B4GALNT3: variants seen among roughly 807,000 people sequenced by gnomAD.
The protein encoded by B4GALNT3 is beta-1,4-N-acetylgalactosaminyltransferase 3.
In B4GALNT3, 86 loss-of-function variants were observed where a neutral mutation model predicts 120.2. The observed-to-expected ratio is 0.72, with a 90% confidence interval of 0.60 to 0.86. The LOEUF (loss-of-function observed/expected upper bound fraction) is 0.86, where lower values mean the gene tolerates loss of function less well. Among genes scored for constraint, B4GALNT3 ranks in the 40% least tolerant of loss-of-function variants. The pLI is 0.00. For missense variants in B4GALNT3, 1,167 were observed against 1,298.9 expected, an observed-to-expected ratio of 0.90 and a Z score of 1.56; for synonymous variants, 518 against 510.4, an observed-to-expected ratio of 1.01 and a Z score of -0.20.
rs1475899818 is a variant in B4GALNT3 at position 556,571 on chromosome 12, G to A, written c.2085G>A (p.Val695=). ...GGAGGTACCAGCTACAGCGCATTGT[G>A]AACGTGGAAAAGCGTCAGGACCAGC... ...SRGRYQLQRI[V]NVEKRQDQLR... Residue 695 remains valine (V), a synonymous_variant, in exon 15 of 20, where the codon GTG becomes GTA. Transcript: ENST00000266383. 3 of 1,613,650 alleles carry A rather than the reference G, an allele frequency of 1.9e-6. No homozygotes were observed. The highest frequency in any genetic ancestry group is 4.5e-5 in the East Asian group (2 of 44,858).
intron 1 of B4GALNT3, among the ~76,000 whole-genome samples, chr12:518,730 T>G (rs1414966946): frequency 6.6e-6 from 1 of 152,260 alleles, no homozygotes; most frequent in Non-Finnish European, 1.5e-5. Context: ...ATCTGTAGAT[T>G]ACTTCTAATA....
intron 14 of B4GALNT3, among the ~76,000 whole-genome samples, chr12:555,987 A>T (rs7315429): frequency 1.3e-5 from 2 of 150,836 alleles, no homozygotes; most frequent in East Asian, 3.9e-4. Context: ...GTTTCACCAT[A>T]TTAGCCAGGC....
At chr12:524,735 C>T (rs1035828181) in intron 1 of B4GALNT3, among the ~76,000 whole-genome samples, 5 of 152,130 alleles carry the variant, frequency 3.3e-5, no homozygotes, top group Non-Finnish European at 7.3e-5. Context: ...TATGCACTCT[C>T]CTTACCAGTC....
At chr12:537,786 G>C (rs1234137629) in intron 3 of B4GALNT3, among the ~76,000 whole-genome samples, 1 of 152,150 alleles carries the variant, frequency 6.6e-6, no homozygotes, top group Non-Finnish European at 1.5e-5. Flanking sequence ...GGGTGGTACG[G>C]GCTAGCTCAT....
chr12:515,179 T>G (rs2120602420), intron 1 of B4GALNT3, among the ~76,000 whole-genome samples: 1 of 152,184 alleles, frequency 6.6e-6, no homozygotes, highest in South Asian at 2.1e-4. Context: ...AAGGGGTTTT[T>G]TTGTTGTTGT....
chr12:521,553 A>G (rs1426657134), intron 1 of B4GALNT3, among the ~76,000 whole-genome samples: 1 of 152,192 alleles, frequency 6.6e-6, no homozygotes, highest in Admixed American at 6.5e-5. Flanking sequence ...TGGTAACTGG[A>G]AGAAACTACA....
In B4GALNT3 at chr12:506,858, G is replaced by A. The variant is rs921508842; in HGVS notation, c.170-28308G>A. 1.6e-4 allele frequency among the ~76,000 whole-genome samples: 25 copies of A among 152,214 alleles called. 1 individual carries two copies. Among genetic ancestry groups the A allele is most frequent in the African/African-American group, 5.5e-4 (23 of 41,550 alleles). On this transcript the variant is annotated intron_variant, in intron 1 of 19. Transcript: ENST00000266383. ...TCACCGTGTTAGCCAGGATGGTCTC[G>A]ATCTCCTGACCTCGTGATCCGCCCG...
intron 1 of B4GALNT3, among the ~76,000 whole-genome samples, chr12:467,585 G>A (rs1297146191): frequency 2.0e-5 from 3 of 152,010 alleles, no homozygotes; most frequent in Non-Finnish European, 4.4e-5. Flanking sequence ...AATAAAATAG[G>A]GATAAAAATA....
intron 3 of B4GALNT3, chr12:543,137 G>T (rs1346909585): frequency 7.8e-7 from 1 of 1,288,666 alleles, no homozygotes; most frequent in East Asian, 5.5e-5. Context: ...GAGAGTATGT[G>T]TGTGTGTGTG....
chr12:495,968 ATAAATATAAAAG>A (rs1946384068), intron 1 of B4GALNT3, among the ~76,000 whole-genome samples: 1 of 152,216 alleles, frequency 6.6e-6, no homozygotes, highest in Non-Finnish European at 1.5e-5. Context: ...GTGCACATCT[ATAAATATAAAAG>A]CAGATTCACA....
Position 548,212 on chromosome 12 carries a change from C to T in B4GALNT3, c.787-19C>T. The T allele has an allele frequency of 6.2e-7, 1 of 1,612,790 alleles. No homozygotes were observed. Among genetic ancestry groups the T allele is most frequent in the Non-Finnish European group, 8.5e-7 (1 of 1,178,748 alleles). ...GCTACCTCCCACCTTCTGCATCTACCCTCTCTCTCCTCTTCCAGTGGCGAC... is the reference window on the plus strand; with the variant it reads ...GCTACCTCCCACCTTCTGCATCTACTCTCTCTCTCCTCTTCCAGTGGCGAC... On this transcript the variant is annotated intron_variant, in intron 8 of 19. Coordinates refer to ENST00000266383, the MANE Select transcript of B4GALNT3 (RefSeq NM_173593.4). This position sits in a 1 kb window ranked among gnomAD's most constrained non-coding sequence, Gnocchi z 4.9.
intron 1 of B4GALNT3, among the ~76,000 whole-genome samples, chr12:514,228 C>T (rs1398369285): frequency 6.2e-5 from 9 of 144,650 alleles, no homozygotes; most frequent in Admixed American, 2.1e-4. Flanking sequence ...GACGGAGTCT[C>T]GCTCTGTCCC....
At chr12:547,937 G>C in intron 7 of B4GALNT3, 87 bp from the exon 8 acceptor site, 1 of 1,123,950 alleles carries the variant, frequency 8.9e-7, no homozygotes, top group Admixed American at 1.8e-5. Context: ...ATGAGGGAGT[G>C]TAAGGTGCTG....
At chr12:542,786 A>G (rs952158710) in intron 3 of B4GALNT3, among the ~76,000 whole-genome samples, 2 of 152,204 alleles carry the variant, frequency 1.3e-5, no homozygotes, top group African/African-American at 4.8e-5. Context: ...TCCCAGGAGC[A>G]GCTTGCTCAG....
chr12:546,547 T>G, intron 6 of B4GALNT3, 99 bp from the exon 7 acceptor site: 1 of 1,085,424 alleles, frequency 9.2e-7, no homozygotes, highest in Non-Finnish European at 1.4e-6. Flanking sequence ...TCCCTTTTTC[T>G]CTCACTTCTT....
chr12:502,180 G>A (rs914372417), intron 1 of B4GALNT3, among the ~76,000 whole-genome samples: 6 of 152,066 alleles, frequency 3.9e-5, no homozygotes, highest in Non-Finnish European at 7.4e-5. Context: ...GAGCTAGGCA[G>A]ATTAACTTGT....
rs548476596 is a variant in B4GALNT3 at position 554,565 on chromosome 12, C to T, written c.2060+582C>T. 7.9e-3 allele frequency among the ~76,000 whole-genome samples: 1,181 copies of T among 150,096 alleles called. 7 individuals carry two copies. The highest frequency in any genetic ancestry group is 0.012 in the Non-Finnish European group (797 of 67,424). On this transcript the variant is annotated intron_variant, in intron 14 of 19. Coordinates refer to ENST00000266383, the MANE Select transcript of B4GALNT3 (RefSeq NM_173593.4). Reference sequence around the variant, plus strand: ...CAGCACTTTGGGAGGCCGAGGCGGGCGGATCACGAGGTCAGGAGATCGAGA... The same window carrying T: ...CAGCACTTTGGGAGGCCGAGGCGGGTGGATCACGAGGTCAGGAGATCGAGA...
chr12:509,683 C>T (rs567387516), intron 1 of B4GALNT3, among the ~76,000 whole-genome samples: 2 of 152,252 alleles, frequency 1.3e-5, no homozygotes, highest in South Asian at 4.2e-4. Context: ...TCACACTTCC[C>T]TCCTGGATTC....
chr12:511,964 C>T, intron 1 of B4GALNT3, among the ~76,000 whole-genome samples: 1 of 147,558 alleles, frequency 6.8e-6, no homozygotes, highest in African/African-American at 2.6e-5. Flanking sequence ...CTTCCACCTT[C>T]CACCTTCCGC....
Sources: gnomAD v4.1 joint callset for allele counts (sites outside exome capture counted in the v4.1 genomes callset) on GRCh38, gnomAD v4.1.1 for gene constraint, Gnocchi (gnomAD v3.1) non-coding constraint, MANE v1.5 for transcripts, NCBI Gene and HGNC (gene_info 2026-07-23, HGNC 2026-07-21) for gene names.